ZNHIT6: variants seen among roughly 807,000 people sequenced by gnomAD.
The protein encoded by ZNHIT6 is zinc finger HIT-type containing 6, also known as box C/D snoRNA protein 1.
Under a neutral mutation model 57.2 loss-of-function variants are expected in ZNHIT6, and 45 were observed. The observed-to-expected ratio is 0.79, with a 90% CI of 0.62 to 1.01. The LOEUF is 1.01. Ranked by LOEUF, ZNHIT6 falls within the 50% of genes least tolerant of loss-of-function variation. ZNHIT6 has a pLI of 0.00. For missense variants in ZNHIT6, 528 were observed against 567.3 expected, an observed-to-expected ratio of 0.93 and a Z score of 0.70; for synonymous variants, 188 against 190.0, an observed-to-expected ratio of 0.99 and a Z score of 0.09.
At position 85,678,751 on chromosome 1, in the gene ZNHIT6, GATTTC is replaced by G. The variant is rs1661778347; in HGVS notation, c.1114_1118del (p.Glu372ProfsTer6). The G allele has an allele frequency of 1.3e-6, 2 of 1,586,050 alleles. No homozygotes were observed. On this transcript the variant is annotated frameshift_variant, in exon 7 of 10. Coordinates refer to ENST00000370574, the MANE Select transcript of ZNHIT6 (RefSeq NM_017953.4). LOFTEE classifies it high-confidence loss of function. ...TTTCAGGATCAATGTAAGGTTTTAG[GATTTC>G]ATTAATAGTTTTATCATCTGGTACT... is the stretch of plus-strand genomic sequence containing the variant.
At chr1:85,702,412 A>T in intron 4 of ZNHIT6, 152 bp from the exon 5 acceptor site, 1 of 596,468 alleles carries the variant, frequency 1.7e-6, no homozygotes, top group Non-Finnish European at 3.0e-6. Context: ...TCACCATGAT[A>T]CTATGAGAAT....
At chr1:85,683,905 T>C (rs919415888) in intron 5 of ZNHIT6, among the ~76,000 whole-genome samples, 8 of 152,024 alleles carry the variant, frequency 5.3e-5, no homozygotes, top group African/African-American at 1.7e-4. Context: ...ACCCTCTAGA[T>C]GAGTGTTCCA....
chr1:85,694,071 T>C lies in ZNHIT6; in HGVS notation c.1019+8086A>G, dbSNP rs1481453429. On this transcript the variant is annotated intron_variant, in intron 5 of 9. Coordinates refer to ENST00000370574, the MANE Select transcript of ZNHIT6 (RefSeq NM_017953.4). The stretch of plus-strand genomic sequence containing the variant: ...TGTACAGGGGGAAAAAAGGACAGGC[T>C]GTCTCTAAGGAAGAGAGGAAATGAC... 2.6e-5 allele frequency among the ~76,000 whole-genome samples: 4 copies of C among 152,210 alleles called. No individual in the cohort carries two copies. In the East Asian group the frequency reaches 7.7e-4, roughly 29 times the overall value.
At chr1:85,680,263 C>G (rs895868285) in intron 6 of ZNHIT6, among the ~76,000 whole-genome samples, 1 of 152,198 alleles carries the variant, frequency 6.6e-6, no homozygotes, top group Non-Finnish European at 1.5e-5. Context: ...GAAACAGTAA[C>G]ACAAAAACTT....
chr1:85,685,951 ATTCTTTTTTTTTTT>A (rs985522000), intron 5 of ZNHIT6, among the ~76,000 whole-genome samples: 2 of 149,898 alleles, frequency 1.3e-5, no homozygotes, highest in Admixed American at 6.6e-5. Flanking sequence ...TAATTTTAAC[ATTCTTTTTTTTTTT>A]TTCTTTTTTT....
intron 5 of ZNHIT6, among the ~76,000 whole-genome samples, chr1:85,691,916 C>T (rs111572561): frequency 3.3e-5 from 5 of 152,138 alleles, no homozygotes; most frequent in African/African-American, 1.2e-4. Flanking sequence ...TGCCTGTAAT[C>T]CCAGCACTTT....
intron 8 of ZNHIT6, among the ~76,000 whole-genome samples, chr1:85,676,696 A>G (rs893902007): frequency 6.6e-6 from 1 of 152,020 alleles, no homozygotes; most frequent in Non-Finnish European, 1.5e-5. Context: ...CAGAACACAC[A>G]CATTTAAGGC....
intron 5 of ZNHIT6, among the ~76,000 whole-genome samples, chr1:85,684,221 G>A (rs1343116470): frequency 1.3e-5 from 2 of 152,180 alleles, no homozygotes; most frequent in African/African-American, 4.8e-5. Context: ...GACTGGTGGA[G>A]TAATTGTGGC....
chr1:85,676,068 G>A (rs1444314400), intron 8 of ZNHIT6, among the ~76,000 whole-genome samples: 1 of 152,162 alleles, frequency 6.6e-6, no homozygotes, highest in Non-Finnish European at 1.5e-5. Flanking sequence ...CGGGCGCGGT[G>A]GCTCACGCCT....
At chr1:85,706,598 G>T in intron 1 of ZNHIT6, 91 bp from the exon 2 acceptor site, 4 of 1,140,848 alleles carry the variant, frequency 3.5e-6, no homozygotes, top group South Asian at 2.2e-5. Flanking sequence ...TAAACTCAGT[G>T]ACAAGTAACT....
chr1:85,672,077 A>G (rs1190969563), intron 8 of ZNHIT6, among the ~76,000 whole-genome samples: 1 of 152,158 alleles, frequency 6.6e-6, no homozygotes, highest in South Asian at 2.1e-4. Context: ...CACTCTGAAG[A>G]TATCCTAATA....
At chr1:85,701,096 G>A (rs1662518012) in intron 5 of ZNHIT6, among the ~76,000 whole-genome samples, 1 of 152,044 alleles carries the variant, frequency 6.6e-6, no homozygotes, top group Non-Finnish European at 1.5e-5. Context: ...CAGGAAAAAC[G>A]AAAAACCATT....
At chr1:85,701,899 G>GT (rs1280062944) in intron 5 of ZNHIT6, among the ~76,000 whole-genome samples, 1 of 151,818 alleles carries the variant, frequency 6.6e-6, no homozygotes, top group Non-Finnish European at 1.5e-5. Context: ...TAGGTGACTG[G>GT]TATGCACATT....
chr1:85,685,759 A>G (rs1489070252), intron 5 of ZNHIT6, among the ~76,000 whole-genome samples: 3 of 151,998 alleles, frequency 2.0e-5, no homozygotes, highest in East Asian at 1.9e-4. Context: ...AGCTCTTGCT[A>G]TGTTGCCCAG....
At position 85,707,904 on chromosome 1, in the gene ZNHIT6, T is replaced by C. The variant is rs1184773640; in HGVS notation, c.381A>G (p.Val127=). The change falls in exon 1 of 10, where the codon GTA becomes GTG. Residue 127 remains valine, a synonymous_variant. Transcript: ENST00000370574. ...VKQETDSSLV[V]KEAKVGEPEV... is the part of the protein sequence containing the mutation. ...CTGGTTCACCCACCTTCGCTTCTTT[T>C]ACCACTAAACTACTATCCGTCTCCT... 1 of 1,613,948 alleles carries C rather than the reference T, an allele frequency of 6.2e-7. No individual in the cohort carries two copies. The highest frequency in any genetic ancestry group is 1.3e-5 in the African/African-American group (1 of 74,894).
Position 85,667,961 on chromosome 1 carries a change from A to AAAAAAAAAAAAAAAAATGTATAT in ZNHIT6, c.1247+9274_1247+9275insATATACATTTTTTTTTTTTTTTT. Among the ~76,000 whole-genome samples the AAAAAAAAAAAAAAAAATGTATAT allele has an allele frequency of 1.6e-4, 3 of 18,200 alleles. No individual in the cohort carries two copies. The Admixed American group carries it at 2.0e-3, about 12-fold the overall frequency. 11.9% of individuals were successfully genotyped at this position (18,200 alleles called of 152,430 possible). On this transcript the variant is annotated intron_variant, in intron 8 of 9. Transcript: ENST00000370574. ...ACTCTCTCTTTCAAAAAAAAAAAAA[A>AAAAAAAAAAAAAAAAATGTATAT]ATATATATATATATATATATATATG...
At chr1:85,660,353 T>C (rs1661191527) in intron 8 of ZNHIT6, among the ~76,000 whole-genome samples, 1 of 152,152 alleles carries the variant, frequency 6.6e-6, no homozygotes, top group Admixed American at 6.5e-5. Flanking sequence ...ATTTTTCAAA[T>C]AAGGGAATGT....
chr1:85,651,569 T>A lies in ZNHIT6; in HGVS notation c.*2489A>T, dbSNP rs1660911779. 2 of 152,194 alleles carry A rather than the reference T, an allele frequency of 1.3e-5. No individual in the cohort carries two copies. Among genetic ancestry groups the A allele is most frequent in the Non-Finnish European group, 2.9e-5 (2 of 68,038 alleles). The allele number at this position is 152,194 out of a possible 1,614,324, so 9.4% of individuals were successfully genotyped here. ...TTTATAAAAGGAATAGGTACAAGTT[T>A]TATTTACTATAATTTATGACTATTA... is the stretch of plus-strand genomic sequence containing the variant. On this transcript the variant is annotated 3_prime_UTR_variant, in exon 10 of 10. Coordinates refer to ENST00000370574, the MANE Select transcript of ZNHIT6 (RefSeq NM_017953.4).
chr1:85,685,617 G>T (rs762545527), intron 5 of ZNHIT6, among the ~76,000 whole-genome samples: 1 of 151,848 alleles, frequency 6.6e-6, no homozygotes, highest in African/African-American at 2.4e-5. Context: ...TCACTCTGTC[G>T]CCTGGGCTGG....
Sources: gnomAD v4.1 joint callset for allele counts (sites outside exome capture counted in the v4.1 genomes callset) on GRCh38, gnomAD v4.1.1 for gene constraint, MANE v1.5 for transcripts, NCBI Gene and HGNC (gene_info 2026-07-23, HGNC 2026-07-21) for gene names.